SOCS6: variants seen among roughly 807,000 people sequenced by gnomAD.
SOCS6 encodes suppressor of cytokine signaling 6, also known as STAT induced STAT inhibitor-4.
Under a neutral mutation model 27.7 loss-of-function variants are expected in SOCS6, and 5 were observed. That is an observed-to-expected ratio of 0.18 (90% CI 0.09 to 0.38). The LOEUF (loss-of-function observed/expected upper bound fraction) is 0.38, where lower values mean the gene tolerates loss of function less well. Among genes scored for constraint, SOCS6 ranks in the 10% least tolerant of loss-of-function variants. The pLI is 1.00. For synonymous variants in SOCS6, 271 were observed against 260.0 expected, an observed-to-expected ratio of 1.04 and a Z score of -0.41; for missense variants, 595 against 688.1, an observed-to-expected ratio of 0.86 and a Z score of 1.51.
intron 1 of SOCS6, among the ~76,000 whole-genome samples, chr18:70,322,545 A>G (rs1309804443): frequency 6.6e-6 from 1 of 152,142 alleles, no homozygotes; most frequent in East Asian, 1.9e-4. Flanking sequence ...AACTATTTGA[A>G]TCTCACATTT....
intron 1 of SOCS6, among the ~76,000 whole-genome samples, chr18:70,321,727 G>A (rs774820796): frequency 3.3e-5 from 5 of 152,030 alleles, no homozygotes; most frequent in Non-Finnish European, 7.4e-5. Flanking sequence ...AGAATAAAGG[G>A]GTTCTGAGAC....
At chr18:70,297,545 T>G (rs973900740) in intron 1 of SOCS6, among the ~76,000 whole-genome samples, 1 of 152,230 alleles carries the variant, frequency 6.6e-6, no homozygotes, top group Non-Finnish European at 1.5e-5. Flanking sequence ...TGATCTGTAG[T>G]GGGTGGTAAC....
In SOCS6 at chr18:70,326,308, G is replaced by T; in HGVS notation, c.*32G>T. The T allele has an allele frequency of 6.5e-7, 1 of 1,536,732 alleles. No homozygotes were observed. The highest frequency in any genetic ancestry group is 8.8e-7 in the Non-Finnish European group (1 of 1,132,058). ...GAGAACCCTGCATCTTGCACTTTGGGAATAAGAACAAGAGATTGAAATACA... is the reference window on the plus strand; with the variant it reads ...GAGAACCCTGCATCTTGCACTTTGGTAATAAGAACAAGAGATTGAAATACA... On this transcript the variant is annotated 3_prime_UTR_variant, in exon 2 of 2. Transcript: ENST00000397942.
chr18:70,322,735 C>T (rs1188081158), intron 1 of SOCS6, among the ~76,000 whole-genome samples: 1 of 152,200 alleles, frequency 6.6e-6, no homozygotes, highest in Non-Finnish European at 1.5e-5. Context: ...AAACATAGTA[C>T]ATGACAGTAG....
chr18:70,315,179 A>G (rs2062406761), intron 1 of SOCS6, among the ~76,000 whole-genome samples: 1 of 152,006 alleles, frequency 6.6e-6, no homozygotes, highest in African/African-American at 2.4e-5. Context: ...CGTCTTTGTC[A>G]AATTTTGGTA....
At chr18:70,314,474 C>A (rs1196443351) in intron 1 of SOCS6, among the ~76,000 whole-genome samples, 1 of 152,102 alleles carries the variant, frequency 6.6e-6, no homozygotes, top group African/African-American at 2.4e-5. Flanking sequence ...TGTTTAGATA[C>A]ACAAATACTT....
At chr18:70,313,947 A>G (rs912355420) in intron 1 of SOCS6, among the ~76,000 whole-genome samples, 8 of 152,174 alleles carry the variant, frequency 5.3e-5, no homozygotes, top group South Asian at 2.1e-4. Flanking sequence ...AGATGTGTCT[A>G]TGTATATTTG....
chr18:70,308,774 G>A (rs73965330), intron 1 of SOCS6, among the ~76,000 whole-genome samples: 1,801 of 152,198 alleles, frequency 0.012, 38 homozygotes, highest in African/African-American at 0.04. Flanking sequence ...CAATTGCTGT[G>A]TCTTCGTTAT....
At chr18:70,317,930 T>A (rs1459566816) in intron 1 of SOCS6, among the ~76,000 whole-genome samples, 1 of 152,204 alleles carries the variant, frequency 6.6e-6, no homozygotes, top group African/African-American at 2.4e-5. Context: ...CTTGGCTCAC[T>A]GCAACCTCTG....
intron 1 of SOCS6, among the ~76,000 whole-genome samples, chr18:70,322,848 A>G (rs909951459): frequency 4.6e-5 from 7 of 152,156 alleles, no homozygotes; most frequent in Admixed American, 2.6e-4. Flanking sequence ...CCATCTGCAC[A>G]CCACCCGAAT....
chr18:70,303,086 CA>C (rs1173608445), intron 1 of SOCS6, among the ~76,000 whole-genome samples: 1 of 152,134 alleles, frequency 6.6e-6, no homozygotes, highest in East Asian at 1.9e-4. Context: ...ATAATGTTTA[CA>C]AAAGTTCTGC....
At chr18:70,301,062 G>T (rs1177653289) in intron 1 of SOCS6, among the ~76,000 whole-genome samples, 2 of 152,200 alleles carry the variant, frequency 1.3e-5, no homozygotes, top group Non-Finnish European at 2.9e-5. Flanking sequence ...GCCGAGAAGT[G>T]TGAAATGTCT....
At chr18:70,312,771 A>ATTTTTTTTT (rs375997089) in intron 1 of SOCS6, among the ~76,000 whole-genome samples, 6 of 121,964 alleles carry the variant, frequency 4.9e-5, no homozygotes, top group Admixed American at 1.0e-4. Flanking sequence ...AATTCTTTGG[A>ATTTTTTTTT]TTTTTTTTTT....
At chr18:70,315,424 A>C (rs1009458657) in intron 1 of SOCS6, among the ~76,000 whole-genome samples, 1 of 152,306 alleles carries the variant, frequency 6.6e-6, no homozygotes, top group South Asian at 2.1e-4. Context: ...ATATTTTGCT[A>C]TAAAATTATC....
At chr18:70,301,035 T>A (rs1306097095) in intron 1 of SOCS6, among the ~76,000 whole-genome samples, 1 of 152,242 alleles carries the variant, frequency 6.6e-6, no homozygotes, top group East Asian at 1.9e-4. Flanking sequence ...AAATATTTAT[T>A]ATGTTTGAAT....
chr18:70,299,055 G>A (rs1466297906), intron 1 of SOCS6, among the ~76,000 whole-genome samples: 1 of 152,130 alleles, frequency 6.6e-6, no homozygotes, highest in East Asian at 1.9e-4. Context: ...CCGGGAGGTG[G>A]AGCTTACAGC....
rs963667356 is a variant in SOCS6, at chr18:70,329,518, A to G, written c.*3242A>G. ...TTTCAGAAATGCCAGTTTTAATTAC[A>G]TTTCACATTGTATATGAGAGATACT... On this transcript the variant is annotated 3_prime_UTR_variant, in exon 2 of 2. Coordinates refer to ENST00000397942, the MANE Select transcript of SOCS6 (RefSeq NM_004232.4). 1 of 167,132 alleles carries G rather than the reference A, an allele frequency of 6.0e-6. No individual in the cohort carries two copies. The highest frequency in any genetic ancestry group is 6.5e-5 in the Admixed American group (1 of 15,290). The allele number at this position is 167,132 out of a possible 1,614,324, so 10.4% of individuals were successfully genotyped here.
At position 70,325,718 on chromosome 18, in the gene SOCS6, T is replaced by C. The variant is rs201076121; in HGVS notation, c.1050T>C (p.Ser350=). The part of the protein sequence containing the change: ...MRCHLNFDPN[S]APGVARVYDS... The stretch of plus-strand genomic sequence containing the variant: ...GTCATTTGAATTTTGATCCGAACTC[T>C]GCTCCTGGGGTTGCAAGAGTTTATG... The change falls in exon 2 of 2, where the codon TCT becomes TCC. Residue 350 remains serine (S), a synonymous_variant. Coordinates refer to ENST00000397942, the MANE Select transcript of SOCS6 (RefSeq NM_004232.4). This position sits in a 1 kb window ranked among gnomAD's most constrained non-coding sequence, Gnocchi z 6.3. The C allele has an allele frequency of 6.2e-7, 1 of 1,614,212 alleles. No homozygotes were observed. The highest frequency in any genetic ancestry group is 8.5e-7 in the Non-Finnish European group (1 of 1,180,018).
intron 1 of SOCS6, among the ~76,000 whole-genome samples, chr18:70,319,469 T>G (rs1476735028): frequency 1.3e-5 from 2 of 152,186 alleles, no homozygotes; most frequent in Admixed American, 1.3e-4. Context: ...ATCATTTGTC[T>G]TTTTTACTGA....
Sources: gnomAD v4.1 joint callset for allele counts (sites outside exome capture counted in the v4.1 genomes callset) on GRCh38, gnomAD v4.1.1 for gene constraint, Gnocchi (gnomAD v3.1) non-coding constraint, MANE v1.5 for transcripts, NCBI Gene and HGNC (gene_info 2026-07-23, HGNC 2026-07-21) for gene names.